Variants in TUBGCP2 observed in about 807,000 individuals in gnomAD.
TUBGCP2 encodes tubulin gamma complex component 2.
In TUBGCP2, 55 loss-of-function variants were observed where a neutral mutation model predicts 92.2. The ratio of observed to expected loss-of-function variants is 0.60; its 90% confidence interval spans 0.48 to 0.75. TUBGCP2 has a LOEUF of 0.75. Ranked by LOEUF, TUBGCP2 falls within the 30% of genes least tolerant of loss-of-function variation. The probability of loss-of-function intolerance (pLI) is 0.00; values close to 1 mark genes in which losing one functional copy is unlikely to be tolerated. For synonymous variants in TUBGCP2, 533 were observed against 505.2 expected, an observed-to-expected ratio of 1.06 and a Z score of -0.74; for missense variants, 1,093 against 1,188.9, an observed-to-expected ratio of 0.92 and a Z score of 1.19.
chr10:133,306,399 A>G (rs944869914), intron 1 of TUBGCP2, among the ~76,000 whole-genome samples: 1 of 152,224 alleles, frequency 6.6e-6, no homozygotes, highest in African/African-American at 2.4e-5. Flanking sequence ...GCTAGGTGGC[A>G]AGAAAACCAT....
upstream of TUBGCP2, chr10:133,311,669 G>T: frequency 6.7e-7 from 1 of 1,501,808 alleles, no homozygotes. Context: ...GAACACAGGG[G>T]CTGTGGGAGC....
chr10:133,279,800 G>A lies in TUBGCP2; in HGVS notation c.2675C>T (p.Ala892Val), dbSNP rs1211649869. ...GGTGACTGCGACCCTGGGTGCAGGAGCCGGGGGCCCCCGCAGGACAGGCAC... is the reference window on the plus strand; with the variant it reads ...GGTGACTGCGACCCTGGGTGCAGGAACCGGGGGCCCCCGCAGGACAGGCAC... ...PQVPVLRGPPAPAPRVAVTAQ is the reference protein window; with the variant it reads ...PQVPVLRGPPVPAPRVAVTAQ Residue 892 changes from alanine (A) to valine (V), a missense_variant, in exon 18 of 18, where the codon GCT becomes GTT. This residue lies in a region of TUBGCP2 where 598 missense variants were observed against 675.5 expected (regional missense o/e 0.89). Coordinates refer to ENST00000252936, the MANE Select transcript of TUBGCP2 (RefSeq NM_006659.4). The A allele has an allele frequency of 6.4e-7, 1 of 1,570,988 alleles. No individual in the cohort carries two copies. The highest frequency in any genetic ancestry group is 1.2e-5 in the South Asian group (1 of 86,104).
At chr10:133,312,174 G>GTCTGCGTTTCTAGCGTCACCTGTGCCA (rs1848005691), upstream of TUBGCP2, 1 of 1,415,758 alleles carries the variant, frequency 7.1e-7, no homozygotes, top group Non-Finnish European at 9.1e-7. Context: ...CACCTGTGCC[G>GTCTGCGTTTCTAGCGTCACCTGTGCCA]TCTGCGTTTC....
chr10:133,291,049 G>T, intron 8 of TUBGCP2: 1 of 209,322 alleles, frequency 4.8e-6, no homozygotes, highest in Non-Finnish European at 9.7e-6. Context: ...GGAAATCCAA[G>T]CACCAAAGAG....
intron 8 of TUBGCP2, chr10:133,290,604 G>A (rs76621737): frequency 0.028 from 4,216 of 152,316 alleles, 83 homozygotes; most frequent in Middle Eastern, 0.082. Context: ...GAGATAGGTG[G>A]GAAACTGATT....
intron 10 of TUBGCP2, among the ~76,000 whole-genome samples, 163 bp from the exon 11 acceptor site, chr10:133,288,472 G>A (rs540040208): frequency 9.2e-5 from 14 of 152,016 alleles, no homozygotes; most frequent in African/African-American, 2.4e-4. Flanking sequence ...GGGAGCAGGC[G>A]TGAGCACGTG....
intron 17 of TUBGCP2, among the ~76,000 whole-genome samples, 199 bp downstream of exon 17, chr10:133,281,074 G>T (rs1201954605): frequency 9.0e-6 from 1 of 111,496 alleles, no homozygotes; most frequent in African/African-American, 3.6e-5. Context: ...GCAGCACTGG[G>T]CCAGGGCAGT....
intron 1 of TUBGCP2, among the ~76,000 whole-genome samples, chr10:133,305,402 C>G (rs2136142647): frequency 6.6e-6 from 1 of 152,308 alleles, no homozygotes; most frequent in East Asian, 1.9e-4. Flanking sequence ...TACCCTGCCC[C>G]TTTTGCTTTG....
At chr10:133,309,425 C>T, upstream of TUBGCP2, 1 of 1,612,540 alleles carries the variant, frequency 6.2e-7, no homozygotes, top group Non-Finnish European at 8.5e-7. Context: ...ACCTCCAGGA[C>T]GTGATCATGC....
chr10:133,307,833 A>G (rs1340946533), intron 1 of TUBGCP2, among the ~76,000 whole-genome samples: 1 of 152,260 alleles, frequency 6.6e-6, no homozygotes, highest in Non-Finnish European at 1.5e-5. Context: ...TGTACGGCCT[A>G]CAATGCACCT....
At chr10:133,280,736 G>A (rs1460427211) in intron 17 of TUBGCP2, among the ~76,000 whole-genome samples, 1 of 152,246 alleles carries the variant, frequency 6.6e-6, no homozygotes, top group African/African-American at 2.4e-5. Flanking sequence ...GGAGGGTGCA[G>A]GGGAGATGGG....
intron 17 of TUBGCP2, among the ~76,000 whole-genome samples, chr10:133,280,808 G>A (rs1846947801): frequency 6.6e-6 from 1 of 151,800 alleles, no homozygotes; most frequent in Non-Finnish European, 1.5e-5. Context: ...ATGCTGGGCT[G>A]AGCTGAGGAA....
At chr10:133,289,377 C>T (rs951185063) in intron 9 of TUBGCP2, among the ~76,000 whole-genome samples, 2 of 152,232 alleles carry the variant, frequency 1.3e-5, no homozygotes, top group Non-Finnish European at 2.9e-5. Flanking sequence ...CCAACCCTTT[C>T]GTGACGGCCC....
intron 1 of TUBGCP2, among the ~76,000 whole-genome samples, chr10:133,307,061 C>G (rs887944093): frequency 6.6e-6 from 1 of 152,214 alleles, no homozygotes; most frequent in African/African-American, 2.4e-5. Flanking sequence ...GCGGGGGATG[C>G]TAATCATCAA....
Position 133,300,039 on chromosome 10 carries a change from T to C in TUBGCP2, c.225A>G (p.Thr75=). The change falls in exon 3 of 18, where the codon ACA becomes ACG. Residue 75 remains threonine, a synonymous_variant. Coordinates refer to ENST00000252936, the MANE Select transcript of TUBGCP2 (RefSeq NM_006659.4). ...GGTACACCAGCGGGTCAAGGTTCCT[T>C]GTATTTTTAGATTTCAGTTCATCAT... ...KKYDELKSKN[T]RNLDPLVYLL... The C allele has an allele frequency of 6.2e-7, 1 of 1,614,176 alleles. No individual in the cohort carries two copies. Among genetic ancestry groups the C allele is most frequent in the Non-Finnish European group, 8.5e-7 (1 of 1,180,030 alleles).
At chr10:133,300,909 A>AT (rs1469583927) in intron 2 of TUBGCP2, among the ~76,000 whole-genome samples, 9 of 149,304 alleles carry the variant, frequency 6.0e-5, no homozygotes, top group African/African-American at 2.2e-4. Flanking sequence ...AGCAACTTGC[A>AT]TTTCCCCCCA....
At chr10:133,300,885 T>C (rs1474714952) in intron 2 of TUBGCP2, among the ~76,000 whole-genome samples, 1 of 152,204 alleles carries the variant, frequency 6.6e-6, no homozygotes, top group Non-Finnish European at 1.5e-5. Flanking sequence ...TGCTTCAGGT[T>C]TGTACTGGAG....
chr10:133,310,272 C>A, upstream of TUBGCP2: 3 of 1,613,978 alleles, frequency 1.9e-6, no homozygotes, highest in Non-Finnish European at 2.5e-6. Flanking sequence ...GTTTGATAAG[C>A]CAAAGAAAAG....
chr10:133,286,114 C>T (rs180886818), intron 11 of TUBGCP2, among the ~76,000 whole-genome samples: 1 of 152,196 alleles, frequency 6.6e-6, no homozygotes, highest in East Asian at 1.9e-4. Flanking sequence ...AACGACAGGA[C>T]AGGAAATGAA....
Sources: allele counts gnomAD v4.1 joint callset (sites outside exome capture counted in the v4.1 genomes callset), GRCh38; gene constraint gnomAD v4.1.1; regional missense constraint gnomAD v4.1.1; transcripts MANE v1.5; gene names NCBI Gene and HGNC (gene_info 2026-07-23, HGNC 2026-07-21).